Variants in NOX3 observed in about 807,000 individuals in gnomAD.
NOX3 encodes NADPH oxidase 3.
A neutral mutation model predicts 76.7 loss-of-function variants in NOX3; 74 were observed. The observed-to-expected ratio is 0.96, with a 90% CI of 0.80 to 1.17. NOX3 has a LOEUF of 1.17. Ranked by LOEUF, NOX3 falls within the 50% of genes most tolerant of loss-of-function variation. NOX3 has a pLI of 0.00. For synonymous variants in NOX3, 263 were observed against 261.1 expected (o/e 1.01, Z -0.07); for missense variants, 695 against 703.3 (o/e 0.99, Z 0.13).
At chr6:155,453,539 C>T in intron 3 of NOX3, 51 bp from the exon 4 acceptor site, 2 of 1,369,552 alleles carry the variant, frequency 1.5e-6, no homozygotes, top group South Asian at 1.2e-5. Flanking sequence ...GCAGTGAAAA[C>T]AATCTCATGA....
chr6:155,440,502 A>G (rs1044936349), intron 5 of NOX3, among the ~76,000 whole-genome samples: 1 of 152,024 alleles, frequency 6.6e-6, no homozygotes, highest in Non-Finnish European at 1.5e-5. Flanking sequence ...AAAGCTGGGC[A>G]TGGTGGTTTG....
intron 4 of NOX3, among the ~76,000 whole-genome samples, chr6:155,450,013 G>C (rs1233309323): frequency 6.6e-6 from 1 of 152,228 alleles, no homozygotes; most frequent in Non-Finnish European, 1.5e-5. Flanking sequence ...TAATTGCTTT[G>C]TCAGGGTTTG....
chr6:155,428,871 T>C lies in NOX3; in HGVS notation c.1068A>G (p.Ala356=). ...CCAGTAGCGCTGCTGTCCAGTCTCC[T>C]GCTGCCCGGATGTGCACGCTGAAAA... ...EDFFSVHIRA[A]GDWTAALLEA... Residue 356 remains alanine (A), a synonymous_variant, in exon 9 of 14, where the codon GCA becomes GCG. Transcript: ENST00000159060. The C allele has an allele frequency of 1.2e-6, 2 of 1,612,450 alleles. No homozygotes were observed. The highest frequency in any genetic ancestry group is 1.1e-5 in the South Asian group (1 of 90,812).
At chr6:155,413,111 G>C (rs1776575381) in intron 10 of NOX3, among the ~76,000 whole-genome samples, 1 of 152,176 alleles carries the variant, frequency 6.6e-6, no homozygotes, top group Admixed American at 6.5e-5. Flanking sequence ...CATATTTGTT[G>C]AATCAGTAAT....
chr6:155,397,825 A>G (rs1779159459), intron 12 of NOX3, among the ~76,000 whole-genome samples: 1 of 152,244 alleles, frequency 6.6e-6, no homozygotes, highest in Non-Finnish European at 1.5e-5. Flanking sequence ...AAAGAAGGCC[A>G]GAAGGGAGAG....
chr6:155,430,949 C>G lies in NOX3; in HGVS notation c.799-14G>C. ...CCATTTCCAAGCCTGAAGAGAGTAG[C>G]AGAGAGAGAGAGAAAAAGGAAATGA... On this transcript the variant is annotated splice_polypyrimidine_tract_variant and intron_variant, in intron 7 of 13. Coordinates refer to ENST00000159060, the MANE Select transcript of NOX3 (RefSeq NM_015718.3). The G allele has an allele frequency of 6.9e-7, 1 of 1,458,666 alleles. No homozygotes were observed. The highest frequency in any genetic ancestry group is 9.6e-7 in the Non-Finnish European group (1 of 1,046,720). The allele number at this position is 1,458,666 out of a possible 1,614,324, so 90.4% of individuals were successfully genotyped here.
chr6:155,431,934 TC>T (rs1776839620), intron 7 of NOX3, among the ~76,000 whole-genome samples: 1 of 152,160 alleles, frequency 6.6e-6, no homozygotes, highest in Non-Finnish European at 1.5e-5. Context: ...ATTATCGTGG[TC>T]CTTTCTGTCC....
rs1777205913 is a variant in NOX3, at chr6:155,455,736, A to G, written c.48+17T>C. 2 of 1,601,180 alleles carry G rather than the reference A, an allele frequency of 1.2e-6. No individual in the cohort carries two copies. The highest frequency in any genetic ancestry group is 2.7e-5 in the African/African-American group (2 of 74,680). On this transcript the variant is annotated intron_variant, in intron 1 of 13. Transcript: ENST00000159060. ...CAATCTATATATTTAAAGTTGAATAACAAAAATGATACTTACTACTAATAT... is the reference window on the plus strand; with the variant it reads ...CAATCTATATATTTAAAGTTGAATAGCAAAAATGATACTTACTACTAATAT...
At chr6:155,435,975 A>G (rs1252838502) in intron 7 of NOX3, among the ~76,000 whole-genome samples, 1 of 152,232 alleles carries the variant, frequency 6.6e-6, no homozygotes, top group African/African-American at 2.4e-5. Context: ...TTGTCAAAAG[A>G]AAGAAGGCAA....
chr6:155,439,463 G>GA (rs1776952637), intron 6 of NOX3, among the ~76,000 whole-genome samples: 8 of 152,288 alleles, frequency 5.3e-5, no homozygotes, highest in Admixed American at 3.3e-4. Context: ...CTGAGGCTCA[G>GA]AGGACCTGAA....
chr6:155,447,048 C>CTTT (rs34046104), intron 4 of NOX3, among the ~76,000 whole-genome samples: 1 of 143,822 alleles, frequency 7.0e-6, no homozygotes, highest in Non-Finnish European at 1.5e-5. Flanking sequence ...TATTTTATAA[C>CTTT]TTTTTTTTTT....
chr6:155,454,885 G>A lies in NOX3; in HGVS notation c.181C>T (p.Leu61=). 1 of 1,610,778 alleles carries A rather than the reference G, an allele frequency of 6.2e-7. No individual in the cohort carries two copies. The highest frequency in any genetic ancestry group is 8.5e-7 in the Non-Finnish European group (1 of 1,179,314). The change falls in exon 3 of 14, where the codon CTG becomes TTG. Residue 61 remains leucine (L), a synonymous_variant. Transcript: ENST00000159060. ...LAWARASALC[L]NFNCMLILIP... ...AGAATTAGCATGCAGTTAAAATTCA[G>A]GCACAGTGCGGATGCTCGTGCCCAA... is the stretch of plus-strand genomic sequence containing the variant.
intron 5 of NOX3, among the ~76,000 whole-genome samples, chr6:155,443,037 GTA>G (rs201971855): frequency 6.6e-6 from 1 of 151,722 alleles, no homozygotes; most frequent in African/African-American, 2.4e-5. Flanking sequence ...GTGTGTGTGT[GTA>G]TATATATATA....
chr6:155,417,106 G>A (rs995930118), intron 10 of NOX3, among the ~76,000 whole-genome samples: 9 of 152,146 alleles, frequency 5.9e-5, no homozygotes, highest in Non-Finnish European at 1.0e-4. Flanking sequence ...TCCACACTAT[G>A]GAATACTCTA....
chr6:155,443,825 T>C (rs567547445), intron 4 of NOX3, among the ~76,000 whole-genome samples: 25 of 151,968 alleles, frequency 1.6e-4, no homozygotes, highest in Non-Finnish European at 3.5e-4. Context: ...GATATGTATG[T>C]ATATGATACT....
intron 6 of NOX3, among the ~76,000 whole-genome samples, chr6:155,438,503 T>C (rs757246425): frequency 1.3e-5 from 2 of 152,230 alleles, no homozygotes; most frequent in African/African-American, 2.4e-5. Flanking sequence ...AATGTGTTTC[T>C]GTCCACCAGC....
intron 4 of NOX3, among the ~76,000 whole-genome samples, chr6:155,445,996 T>TAA (rs4031392): frequency 0.047 from 6,361 of 134,292 alleles, 240 homozygotes; most frequent in Non-Finnish European, 0.072. Flanking sequence ...TATATATATA[T>TAA]AATATATATA....
At chr6:155,434,827 G>C (rs1360927569) in intron 7 of NOX3, among the ~76,000 whole-genome samples, 2 of 152,160 alleles carry the variant, frequency 1.3e-5, no homozygotes, top group Non-Finnish European at 2.9e-5. Flanking sequence ...ATTTACACGA[G>C]GTGAGGTACA....
chr6:155,404,892 C>T (rs1007388756), intron 12 of NOX3, among the ~76,000 whole-genome samples: 2 of 152,190 alleles, frequency 1.3e-5, no homozygotes, highest in Admixed American at 6.5e-5. Context: ...CCTGATCACT[C>T]CTTCCACATC....
Sources: allele counts gnomAD v4.1 joint callset (sites outside exome capture counted in the v4.1 genomes callset), GRCh38; gene constraint gnomAD v4.1.1; transcripts MANE v1.5; gene names NCBI Gene and HGNC (gene_info 2026-07-23, HGNC 2026-07-21).